The following NAA50 variants were observed in gnomAD, a reference collection of about 807,000 sequenced individuals.
The protein encoded by NAA50 is N-alpha-acetyltransferase 50, NatE catalytic subunit.
NAA50 carries 7 observed loss-of-function variants against 20.7 expected under a neutral mutation model. The ratio of observed to expected loss-of-function variants is 0.34; its 90% CI spans 0.19 to 0.63. The LOEUF is 0.63. Ranked by LOEUF, NAA50 falls within the 30% of genes least tolerant of loss-of-function variation. The pLI, the probability that NAA50 is intolerant of heterozygous loss-of-function variation, is 0.75. For missense variants in NAA50, 111 were observed against 199.1 expected (o/e 0.56, Z 2.66); for synonymous variants, 54 against 70.6 (o/e 0.77, Z 1.18).
intron 3 of NAA50, 21 bp downstream of exon 3, chr3:113,723,401 A>T: frequency 6.3e-6 from 10 of 1,589,980 alleles, no homozygotes; most frequent in Non-Finnish European, 8.6e-6. Context: ...CTGAAGAAGT[A>T]AAAAAACCAC....
In NAA50 at chr3:113,721,624, A is replaced by C. The variant is rs1708136868; in HGVS notation, c.*136T>G. 7 of 848,122 alleles carry C rather than the reference A, an allele frequency of 8.3e-6. No individual in the cohort carries two copies. Among genetic ancestry groups the C allele is most frequent in the Non-Finnish European group, 5.6e-6 (3 of 537,574 alleles). The allele number at this position is 848,122 out of a possible 1,614,324, so 52.5% of individuals were successfully genotyped here. A position where few individuals can be genotyped will look rare whatever the true frequency, so the allele number is the denominator to read the frequency against. Reference sequence around the variant, plus strand: ...GAAAGTATTAAAACTCTCAGAGAAAAGGAAAGGAAGAAAGAAAAACAAGAA... The same window carrying C: ...GAAAGTATTAAAACTCTCAGAGAAACGGAAAGGAAGAAAGAAAAACAAGAA... On this transcript the variant is annotated 3_prime_UTR_variant, in exon 5 of 5. Transcript: ENST00000240922.
intron 1 of NAA50, among the ~76,000 whole-genome samples, chr3:113,741,697 GGAC>G (rs1708419602): frequency 6.6e-6 from 1 of 152,178 alleles, no homozygotes; most frequent in South Asian, 2.1e-4. Context: ...ATGAGTGCTT[GGAC>G]TACTAAGTGA....
chr3:113,745,302 G>A (rs1168449740), intron 1 of NAA50, among the ~76,000 whole-genome samples: 2 of 152,096 alleles, frequency 1.3e-5, no homozygotes, highest in East Asian at 3.9e-4. Context: ...AACTACTGAA[G>A]CAACAGCTCC....
intron 2 of NAA50, 136 bp from the exon 3 acceptor site, chr3:113,723,677 A>G (rs1011435227): frequency 2.7e-6 from 3 of 1,098,726 alleles, no homozygotes; most frequent in Admixed American, 5.9e-5. Context: ...ATGATCTCAA[A>G]GCTCTTATGC....
rs564002876 is a variant in NAA50 at position 113,740,566 on chromosome 3, T to C, written c.8+5376A>G. Among the ~76,000 whole-genome samples the C allele has an allele frequency of 3.9e-5, 6 of 152,270 alleles. No individual in the cohort carries two copies. In the South Asian group the frequency reaches 1.2e-3, roughly 32 times the overall value. On this transcript the variant is annotated intron_variant, in intron 1 of 4. Transcript: ENST00000240922. ...TTACTATTTTTTTGTAGAGATGAGGTCTCACTATGTTATAGCCCAGGCTGG... is the reference window on the plus strand; with the variant it reads ...TTACTATTTTTTTGTAGAGATGAGGCCTCACTATGTTATAGCCCAGGCTGG...
At chr3:113,734,521 A>G (rs888208441) in intron 1 of NAA50, among the ~76,000 whole-genome samples, 2 of 152,250 alleles carry the variant, frequency 1.3e-5, no homozygotes, top group African/African-American at 4.8e-5. Context: ...TATATAAGGT[A>G]CAACAAACTG....
chr3:113,722,021 A>T, intron 4 of NAA50, 84 bp from the exon 5 acceptor site: 1 of 1,249,978 alleles, frequency 8.0e-7, no homozygotes, highest in Non-Finnish European at 1.1e-6. Context: ...AGCTCCAAAC[A>T]TCTGTTACAT....
intron 1 of NAA50, among the ~76,000 whole-genome samples, chr3:113,731,342 G>C (rs1329141770): frequency 6.6e-6 from 1 of 151,870 alleles, no homozygotes; most frequent in Non-Finnish European, 1.5e-5. Context: ...ATTTATTTCT[G>C]AGTTGTATTC....
rs542069966 is a variant in NAA50, at chr3:113,733,453, GAC to G, written c.9-9360_9-9359del. 5.3e-5 allele frequency among the ~76,000 whole-genome samples: 8 copies of G among 151,990 alleles called. No homozygotes were observed. The South Asian group carries it at 1.2e-3, about 24-fold the overall frequency. ...TGTGAAAAAAAATCTATTTTTAAAA[GAC>G]ATTTACAAGACAGAAAATAAGTACA... On this transcript the variant is annotated intron_variant, in intron 1 of 4. Coordinates refer to ENST00000240922, the MANE Select transcript of NAA50 (RefSeq NM_025146.4).
intron 1 of NAA50, among the ~76,000 whole-genome samples, chr3:113,744,095 G>C (rs995852944): frequency 6.6e-6 from 1 of 152,120 alleles, no homozygotes; most frequent in Admixed American, 6.5e-5. Flanking sequence ...TTACTTAACA[G>C]AACATGACAA....
intron 1 of NAA50, among the ~76,000 whole-genome samples, chr3:113,740,541 T>G (rs1708400428): frequency 1.3e-5 from 2 of 152,078 alleles, no homozygotes; most frequent in Non-Finnish European, 2.9e-5. Flanking sequence ...CTAATTATGA[T>G]TACTATTTTT....
rs776325982 is a variant in NAA50 at position 113,724,112 on chromosome 3, T to C, written c.9-17A>G. 1.3e-6 allele frequency: 2 copies of C among 1,545,878 alleles called. No homozygotes were observed. The highest frequency in any genetic ancestry group is 3.8e-5 in the Admixed American group (2 of 53,026). On this transcript the variant is annotated splice_polypyrimidine_tract_variant and intron_variant, in intron 1 of 4. Coordinates refer to ENST00000240922, the MANE Select transcript of NAA50 (RefSeq NM_025146.4). ...ATCCGGCTACTGGAACAAATCAAAA[T>C]GTACTCAATAAAACATAATTAGCCC... is the stretch of plus-strand genomic sequence containing the variant.
At chr3:113,726,223 A>T (rs1375755784) in intron 1 of NAA50, among the ~76,000 whole-genome samples, 1 of 152,162 alleles carries the variant, frequency 6.6e-6, no homozygotes, top group Non-Finnish European at 1.5e-5. Context: ...TTATATATTT[A>T]AAAAACCCCT....
Position 113,722,988 on chromosome 3 carries a change from A to G in NAA50, c.266-16T>C, listed in dbSNP as rs1293666344. 6.6e-7 allele frequency: 1 copy of G among 1,514,170 alleles called. No homozygotes were observed. The highest frequency in any genetic ancestry group is 1.2e-5 in the South Asian group (1 of 81,722). The allele number at this position is 1,514,170 out of a possible 1,614,324, so 93.8% of individuals were successfully genotyped here. ...ATTTTAGTTCCTGTTAATAAAATAA[A>G]TAACAAACACGTGACTTCATAAATC... On this transcript the variant is annotated splice_polypyrimidine_tract_variant and intron_variant, in intron 3 of 4. Transcript: ENST00000240922.
At position 113,736,455 on chromosome 3, in the gene NAA50, A is replaced by G. The variant is rs1384186322; in HGVS notation, c.8+9487T>C. ...GCCACAAGATTATAATTTCACGTAC[A>G]TAACTTCTGGGTTAGACTATGCTAG... On this transcript the variant is annotated intron_variant, in intron 1 of 4. Coordinates refer to ENST00000240922, the MANE Select transcript of NAA50 (RefSeq NM_025146.4). Among the ~76,000 whole-genome samples the G allele has an allele frequency of 2.0e-5, 3 of 152,214 alleles. No homozygotes were observed. The East Asian group carries it at 5.8e-4, about 29-fold the overall frequency.
rs909830276 is a variant in NAA50 at position 113,721,920 on chromosome 3, T to C, written c.350A>G (p.Asn117Ser). The change falls in exon 5 of 5, where the codon AAT (asparagine) becomes AGT (serine). Residue 117 changes from asparagine to serine, a missense_variant. Transcript: ENST00000240922. ...DNIYLHVQIS[N>S]ESAIDFYRKF... is the part of the protein sequence containing the mutation. Reference sequence around the variant, plus strand: ...CCTGTAGAAGTCAATTGCCGACTCATTGCTGATCTGGACATGCCTGAGATA... The same window carrying C: ...CCTGTAGAAGTCAATTGCCGACTCACTGCTGATCTGGACATGCCTGAGATA... 2.5e-6 allele frequency: 4 copies of C among 1,613,772 alleles called. No individual in the cohort carries two copies. Among genetic ancestry groups the C allele is most frequent in the Non-Finnish European group, 1.7e-6 (2 of 1,179,784 alleles).
intron 1 of NAA50, among the ~76,000 whole-genome samples, chr3:113,742,457 ACT>A (rs926201831): frequency 8.2e-5 from 11 of 134,664 alleles, no homozygotes; most frequent in Non-Finnish European, 1.1e-4. Context: ...ACAGAGTCTC[ACT>A]CTGTCGCCCA....
At chr3:113,738,673 T>G (rs906621154) in intron 1 of NAA50, among the ~76,000 whole-genome samples, 3 of 152,230 alleles carry the variant, frequency 2.0e-5, no homozygotes, top group Non-Finnish European at 4.4e-5. Context: ...TCATTTGTGG[T>G]ACATAAAACT....
At chr3:113,737,995 A>C (rs1172819646) in intron 1 of NAA50, among the ~76,000 whole-genome samples, 1 of 152,164 alleles carries the variant, frequency 6.6e-6, no homozygotes, top group Non-Finnish European at 1.5e-5. Flanking sequence ...CTTTGAGTCC[A>C]GGAGTTCGAG....
Sources: gnomAD v4.1 joint callset for allele counts (sites outside exome capture counted in the v4.1 genomes callset) on GRCh38, gnomAD v4.1.1 for gene constraint, MANE v1.5 for transcripts, NCBI Gene and HGNC (gene_info 2026-07-23, HGNC 2026-07-21) for gene names.